The following SLC6A5 variants were observed in gnomAD, a reference collection of about 807,000 sequenced individuals.
SLC6A5 encodes solute carrier family 6 member 5, also known as sodium- and chloride-dependent glycine transporter 2.
A neutral mutation model predicts 90.5 loss-of-function variants in SLC6A5; 58 were observed. The ratio of observed to expected loss-of-function variants is 0.64; its 90% CI spans 0.52 to 0.80. The LOEUF (loss-of-function observed/expected upper bound fraction) is 0.80, where lower values mean the gene tolerates loss of function less well. Among genes scored for constraint, SLC6A5 ranks in the 30% least tolerant of loss-of-function variants. The pLI is 0.00. For missense variants in SLC6A5, 1,015 were observed against 1,017.6 expected (o/e 1.00, Z 0.03); for synonymous variants, 427 against 401.4 (o/e 1.06, Z -0.76).
intron 9 of SLC6A5, 79 bp downstream of exon 9, chr11:20,628,162 G>A: frequency 2.6e-6 from 3 of 1,150,016 alleles, no homozygotes; most frequent in Non-Finnish European, 3.9e-6. Flanking sequence ...GACACCTGAG[G>A]CCACATCCTC....
At chr11:20,608,968 G>GCA (rs1565273682) in intron 5 of SLC6A5, among the ~76,000 whole-genome samples, 1 of 92,732 alleles carries the variant, frequency 1.1e-5, no homozygotes, top group African/African-American at 3.3e-5. Flanking sequence ...CTGTGTGTGT[G>GCA]TGTGTGTGTG....
rs1852466639 is a variant in SLC6A5, at chr11:20,601,229, G to A, written c.104G>A (p.Ser35Asn). The A allele has an allele frequency of 6.3e-7, 1 of 1,582,590 alleles. No homozygotes were observed. The highest frequency in any genetic ancestry group is 1.3e-5 in the African/African-American group (1 of 74,800). The change falls in exon 2 of 16, where the codon AGC becomes AAC. Residue 35 changes from serine to asparagine, a missense_variant. Physicochemically the swap from Ser to Asn is conservative, Grantham distance 46. Transcript: ENST00000525748. ...HPDGPCAPRT[S>N]PEQELPAAAA... is the part of the protein sequence containing the mutation. ...GATGGCCCATGCGCTCCCAGGACGAGCCCGGAGCAGGAGCTTCCCGCGGCT... is the reference window on the plus strand; with the variant it reads ...GATGGCCCATGCGCTCCCAGGACGAACCCGGAGCAGGAGCTTCCCGCGGCT...
intron 14 of SLC6A5, among the ~76,000 whole-genome samples, chr11:20,647,835 T>C (rs1853450387): frequency 6.6e-6 from 1 of 152,246 alleles, no homozygotes; most frequent in Non-Finnish European, 1.5e-5. Context: ...ACAGCTGCTC[T>C]ACAACTAATA....
intron 15 of SLC6A5, among the ~76,000 whole-genome samples, chr11:20,654,399 A>G (rs1853601213): frequency 6.6e-6 from 1 of 152,216 alleles, no homozygotes; most frequent in Non-Finnish European, 1.5e-5. Flanking sequence ...GAGGGAAAAA[A>G]TATATAATTA....
At chr11:20,652,548 T>A in intron 15 of SLC6A5, 92 bp downstream of exon 15, 1 of 1,255,784 alleles carries the variant, frequency 8.0e-7, no homozygotes, top group Non-Finnish European at 1.2e-6. Context: ...TCGGTAAACT[T>A]ATTCAAGAGG....
Position 20,637,277 on chromosome 11 carries a change from A to T in SLC6A5, c.1843A>T (p.Ile615Phe). The T allele has an allele frequency of 6.2e-7, 1 of 1,610,216 alleles. No homozygotes were observed. The highest frequency in any genetic ancestry group is 8.5e-7 in the Non-Finnish European group (1 of 1,177,646). ...FTLGCCICFF[I>F]MGFPMITQGG... Reference sequence around the variant, plus strand: ...TCTGGGCTGCTGCATTTGTTTCTTCATCATGGGTTTTCCAATGATCACTCA... The same window carrying T: ...TCTGGGCTGCTGCATTTGTTTCTTCTTCATGGGTTTTCCAATGATCACTCA... The change falls in exon 12 of 16, where the codon ATC (isoleucine) becomes TTC (phenylalanine). Residue 615 changes from isoleucine to phenylalanine, a missense_variant. By Grantham distance (21) the Ile-to-Phe change is conservative. Around this residue, in one of 3 missense-constraint regions of SLC6A5, gnomAD observed 442 missense variants for 494.3 expected, o/e 0.89. Coordinates refer to ENST00000525748, the MANE Select transcript of SLC6A5 (RefSeq NM_004211.5).
At chr11:20,631,473 C>A (rs573741260) in intron 10 of SLC6A5, among the ~76,000 whole-genome samples, 1 of 152,198 alleles carries the variant, frequency 6.6e-6, no homozygotes, top group Non-Finnish European at 1.5e-5. Flanking sequence ...TTCAAGTTGA[C>A]AAAGAGCTTT....
chr11:20,645,927 G>A (rs12802662), intron 13 of SLC6A5, among the ~76,000 whole-genome samples: 4 of 152,110 alleles, frequency 2.6e-5, no homozygotes, highest in African/African-American at 9.7e-5. Flanking sequence ...GAGCCACCAC[G>A]CCCGGCCAGA....
At chr11:20,643,207 A>C (rs564156088) in intron 13 of SLC6A5, among the ~76,000 whole-genome samples, 50 of 150,786 alleles carry the variant, frequency 3.3e-4, no homozygotes, top group African/African-American at 1.2e-3. Flanking sequence ...TAATAATAGA[A>C]ATTTCTAGAA....
At chr11:20,626,180 G>A (rs755226518) in intron 7 of SLC6A5, among the ~76,000 whole-genome samples, 3 of 152,184 alleles carry the variant, frequency 2.0e-5, no homozygotes, top group Non-Finnish European at 4.4e-5. Flanking sequence ...CTTAATAAAT[G>A]TCTAAGGTCA....
At chr11:20,604,513 G>C (rs972573819) in intron 3 of SLC6A5, 89 bp downstream of exon 3, 12 of 1,521,078 alleles carry the variant, frequency 7.9e-6, no homozygotes, top group Non-Finnish European at 9.8e-6. Context: ...CAGGGCCGCC[G>C]GGCGGGGAGG....
At chr11:20,653,398 G>A (rs1853578034) in intron 15 of SLC6A5, among the ~76,000 whole-genome samples, 1 of 152,148 alleles carries the variant, frequency 6.6e-6, no homozygotes, top group African/African-American at 2.4e-5. Context: ...GCGAAGCATT[G>A]GACTAGACTC....
chr11:20,653,295 A>G (rs1433280384), intron 15 of SLC6A5, among the ~76,000 whole-genome samples: 1 of 152,220 alleles, frequency 6.6e-6, no homozygotes, highest in Non-Finnish European at 1.5e-5. Flanking sequence ...TTGGAAATGC[A>G]TATGATCAGA....
chr11:20,611,678 ACT>A (rs1334364856), intron 5 of SLC6A5, among the ~76,000 whole-genome samples: 13 of 146,840 alleles, frequency 8.9e-5, no homozygotes, highest in East Asian at 4.1e-4. Flanking sequence ...AACGCAGGAA[ACT>A]CTATTTGCTT....
At chr11:20,606,030 C>A (rs892521733) in intron 3 of SLC6A5, among the ~76,000 whole-genome samples, 3 of 152,232 alleles carry the variant, frequency 2.0e-5, no homozygotes, top group Admixed American at 2.0e-4. Context: ...TTTCCCTCCG[C>A]TGAGGCCAGT....
chr11:20,629,169 T>G (rs1853059260), intron 9 of SLC6A5: 1 of 152,134 alleles, frequency 6.6e-6, no homozygotes, highest in Non-Finnish European at 1.5e-5. Context: ...GAAGGTAGAC[T>G]GGGAAACCCT....
intron 7 of SLC6A5, among the ~76,000 whole-genome samples, chr11:20,620,900 A>G (rs746255314): frequency 2.6e-5 from 4 of 152,014 alleles, no homozygotes; most frequent in Non-Finnish European, 5.9e-5. Flanking sequence ...CCTGGGTTCA[A>G]GTGATTGTCC....
chr11:20,652,866 T>C (rs915674991), intron 15 of SLC6A5, among the ~76,000 whole-genome samples: 1 of 152,230 alleles, frequency 6.6e-6, no homozygotes, highest in Non-Finnish European at 1.5e-5. Context: ...TCTATTACCA[T>C]TAAACTTAAA....
At chr11:20,602,508 C>T (rs1852499482) in intron 2 of SLC6A5, among the ~76,000 whole-genome samples, 2 of 152,166 alleles carry the variant, frequency 1.3e-5, no homozygotes, top group African/African-American at 4.8e-5. Context: ...TCTCTTCTTT[C>T]TTCTGTCCTT....
Sources: allele counts gnomAD v4.1 joint callset (sites outside exome capture counted in the v4.1 genomes callset), GRCh38; gene constraint gnomAD v4.1.1; regional missense constraint gnomAD v4.1.1; transcripts MANE v1.5; gene names NCBI Gene and HGNC (gene_info 2026-07-23, HGNC 2026-07-21).